Variants in SLAIN2 observed in about 807,000 individuals in gnomAD.
The protein encoded by SLAIN2 is SLAIN family member 2.
A neutral mutation model predicts 56.6 loss-of-function variants in SLAIN2; 31 were observed. The observed-to-expected ratio is 0.55, with a 90% CI of 0.41 to 0.74. SLAIN2 has a LOEUF of 0.74. SLAIN2 is among the 30% of genes least tolerant of loss of function. The probability of loss-of-function intolerance (pLI) is 0.00; values close to 1 mark genes in which losing one functional copy is unlikely to be tolerated. For missense variants in SLAIN2, 777 were observed against 754.2 expected, an observed-to-expected ratio of 1.03 and a Z score of -0.35; for synonymous variants, 317 against 284.9, an observed-to-expected ratio of 1.11 and a Z score of -1.13.
rs1717242131 is a variant in SLAIN2, at chr4:48,424,241, G to A, written c.*2164G>A. 2 of 152,006 alleles carry A rather than the reference G, an allele frequency of 1.3e-5. No homozygotes were observed. Among genetic ancestry groups the A allele is most frequent in the Admixed American group, 1.3e-4 (2 of 15,248 alleles). The allele number at this position is 152,006 out of a possible 1,614,324, so 9.4% of individuals were successfully genotyped here. Reference sequence around the variant, plus strand: ...ACCTGCTGTTGTACTACCACAGACTGTTGACTTTTAGTTTCTTAAAGAGAA... The same window carrying A: ...ACCTGCTGTTGTACTACCACAGACTATTGACTTTTAGTTTCTTAAAGAGAA... On this transcript the variant is annotated 3_prime_UTR_variant, in exon 8 of 8. Transcript: ENST00000264313.
chr4:48,367,077 G>A (rs1342084817), intron 1 of SLAIN2, among the ~76,000 whole-genome samples: 4 of 152,324 alleles, frequency 2.6e-5, no homozygotes, highest in Non-Finnish European at 4.4e-5. Flanking sequence ...TTTGTAATGA[G>A]AGTTTACTTA....
chr4:48,407,059 A>G (rs575661794), intron 6 of SLAIN2, among the ~76,000 whole-genome samples: 13 of 152,156 alleles, frequency 8.5e-5, no homozygotes, highest in African/African-American at 3.1e-4. Flanking sequence ...GAAAAGTTTT[A>G]TTGAATTATA....
chr4:48,422,465 A>G lies in SLAIN2; in HGVS notation c.*388A>G, dbSNP rs749987309. On this transcript the variant is annotated 3_prime_UTR_variant, in exon 8 of 8. Coordinates refer to ENST00000264313, the MANE Select transcript of SLAIN2 (RefSeq NM_020846.2). ...GAAAATGGTGAATTCAGGCTATCCA[A>G]AACTTCACATTCAACCTAATTTACT... 7 of 177,564 alleles carry G rather than the reference A, an allele frequency of 3.9e-5. No individual in the cohort carries two copies. Among genetic ancestry groups the G allele is most frequent in the Non-Finnish European group, 8.4e-5 (7 of 83,282 alleles). 11.0% of individuals were successfully genotyped at this position (177,564 alleles called of 1,614,324 possible).
intron 4 of SLAIN2, among the ~76,000 whole-genome samples, chr4:48,381,595 T>C (rs1715974374): frequency 6.6e-6 from 1 of 152,212 alleles, no homozygotes; most frequent in African/African-American, 2.4e-5. Flanking sequence ...GTTACTATTT[T>C]GGTTCCCCGA....
At chr4:48,364,849 AC>A in intron 1 of SLAIN2, among the ~76,000 whole-genome samples, 1 of 107,864 alleles carries the variant, frequency 9.3e-6, no homozygotes, top group East Asian at 3.2e-4. Context: ...TGAGAGGGAG[AC>A]CGTGGGGAGA....
chr4:48,367,977 T>C (rs1345277847), intron 1 of SLAIN2, among the ~76,000 whole-genome samples: 1 of 151,726 alleles, frequency 6.6e-6, no homozygotes, highest in African/African-American at 2.4e-5. Context: ...CTGCTCCATA[T>C]GCTTTTCTAG....
At chr4:48,355,085 T>A (rs1365214862) in intron 1 of SLAIN2, among the ~76,000 whole-genome samples, 1 of 151,990 alleles carries the variant, frequency 6.6e-6, no homozygotes, top group Non-Finnish European at 1.5e-5. Context: ...TTTCGCCATG[T>A]TGGCCAGGCT....
chr4:48,392,728 T>TA (rs1716267853), intron 6 of SLAIN2, among the ~76,000 whole-genome samples: 1 of 152,046 alleles, frequency 6.6e-6, no homozygotes, highest in African/African-American at 2.4e-5. Context: ...ACTCTATTTA[T>TA]AATTGCAACT....
chr4:48,374,414 A>G (rs894100669), intron 2 of SLAIN2, among the ~76,000 whole-genome samples: 1 of 151,542 alleles, frequency 6.6e-6, no homozygotes, highest in African/African-American at 2.4e-5. Context: ...TTTTTTTTGT[A>G]TTTTTACTAG....
chr4:48,346,853 T>TC lies in SLAIN2; in HGVS notation c.389+4725_389+4726insC, dbSNP rs938448138. 2.0e-5 allele frequency among the ~76,000 whole-genome samples: 3 copies of TC among 150,790 alleles called. 1 individual carries two copies. Among genetic ancestry groups the TC allele is most frequent in the African/African-American group, 7.4e-5 (3 of 40,632 alleles). ...TATTTCCCTTTTTTTTTTTTTTTTT[T>TC]TTAAGAGACAGGGTCTTCCCATGTT... On this transcript the variant is annotated intron_variant, in intron 1 of 7. Coordinates refer to ENST00000264313, the MANE Select transcript of SLAIN2 (RefSeq NM_020846.2).
chr4:48,418,985 C>T (rs1002650624), intron 6 of SLAIN2, among the ~76,000 whole-genome samples: 3 of 152,100 alleles, frequency 2.0e-5, no homozygotes, highest in Admixed American at 6.5e-5. Context: ...TATTCTGTTG[C>T]GTGGATATGC....
chr4:48,376,325 C>CA (rs1715807585), intron 2 of SLAIN2, among the ~76,000 whole-genome samples: 1 of 151,846 alleles, frequency 6.6e-6, no homozygotes, highest in South Asian at 2.1e-4. Flanking sequence ...CGTGGTGGCA[C>CA]ATGCCTGTAT....
At chr4:48,414,385 A>G (rs2109787035) in intron 6 of SLAIN2, among the ~76,000 whole-genome samples, 1 of 152,328 alleles carries the variant, frequency 6.6e-6, no homozygotes, top group Middle Eastern at 3.4e-3. Flanking sequence ...TTTAGATAAG[A>G]AAGCCACAGA....
At chr4:48,415,422 T>C (rs1716975541) in intron 6 of SLAIN2, among the ~76,000 whole-genome samples, 1 of 58,068 alleles carries the variant, frequency 1.7e-5, no homozygotes, top group Non-Finnish European at 3.9e-5. Flanking sequence ...TTTTTTCTTG[T>C]AAATTTGTTT....
intron 4 of SLAIN2, among the ~76,000 whole-genome samples, chr4:48,381,584 G>A (rs1161493955): frequency 6.6e-6 from 1 of 151,886 alleles, no homozygotes; most frequent in Admixed American, 6.6e-5. Context: ...GTAACTTGTT[G>A]GTTACTATTT....
Position 48,342,094 on chromosome 4 carries a change from C to T in SLAIN2, c.355C>T (p.Arg119Cys). 1 of 1,363,608 alleles carries T rather than the reference C, an allele frequency of 7.3e-7. No individual in the cohort carries two copies. The highest frequency in any genetic ancestry group is 9.4e-7 in the Non-Finnish European group (1 of 1,065,246). 84.5% of individuals were successfully genotyped at this position (1,363,608 alleles called of 1,614,324 possible). Residue 119 changes from arginine (R) to cysteine (C), a missense_variant, in exon 1 of 8, where the codon CGC (arginine) becomes TGC (cysteine). Arg to Cys is a radical substitution (Grantham distance 180). Transcript: ENST00000264313. Reference protein sequence around the residue: ...VEPLRPDELERLSGWEEEEES... With the variant: ...VEPLRPDELECLSGWEEEEES... ...GCCGCTGCGGCCCGACGAGCTGGAG[C>T]GCCTGTCAGGCTGGGAGGAGGAGGA...
In SLAIN2 at chr4:48,377,841, A is replaced by C. The variant is rs1400054192; in HGVS notation, c.539-55A>C. The C allele has an allele frequency of 2.0e-6, 3 of 1,517,426 alleles. No individual in the cohort carries two copies. The East Asian group carries it at 6.8e-5, about 34-fold the overall frequency. 94.0% of individuals were successfully genotyped at this position (1,517,426 alleles called of 1,614,324 possible). A position where few individuals can be genotyped will look rare whatever the true frequency, so the allele number is the denominator to read the frequency against. ...TCTAATAGGAAAACTTCAGAAATGA[A>C]ACGTTAACTTTTTCTCAGTTGTTAA... On this transcript the variant is annotated intron_variant, in intron 2 of 7. Coordinates refer to ENST00000264313, the MANE Select transcript of SLAIN2 (RefSeq NM_020846.2).
chr4:48,355,311 G>A (rs1177550754), intron 1 of SLAIN2, among the ~76,000 whole-genome samples: 7 of 152,194 alleles, frequency 4.6e-5, no homozygotes, highest in Non-Finnish European at 2.9e-5. Flanking sequence ...CATAAGGGAT[G>A]ATGTGAAATA....
intron 4 of SLAIN2, 82 bp from the exon 5 acceptor site, chr4:48,382,486 G>A: frequency 7.5e-7 from 1 of 1,337,158 alleles, no homozygotes; most frequent in Non-Finnish European, 9.8e-7. Context: ...GAATTTTTCA[G>A]TGATAATCTT....
Sources: allele counts gnomAD v4.1 joint callset (sites outside exome capture counted in the v4.1 genomes callset), GRCh38; gene constraint gnomAD v4.1.1; transcripts MANE v1.5; gene names NCBI Gene and HGNC (gene_info 2026-07-23, HGNC 2026-07-21).